USP9X: variants seen among roughly 807,000 people sequenced by gnomAD.
USP9X encodes the protein ubiquitin carboxyl-terminal hydrolase 9X.
A neutral mutation model predicts 190.3 loss-of-function variants in USP9X; 7 were observed. The ratio of observed to expected loss-of-function variants is 0.04; its 90% CI spans 0.02 to 0.07. The LOEUF (loss-of-function observed/expected upper bound fraction) is 0.07. USP9X is among the 10% of genes least tolerant of loss of function. The pLI is 1.00. For synonymous variants in USP9X, 645 were observed against 659.5 expected, an observed-to-expected ratio of 0.98 and a Z score of 0.34; for missense variants, 1,010 against 1,916.9, an observed-to-expected ratio of 0.53 and a Z score of 8.83.
chrX:41,153,020 A>G lies in USP9X; in HGVS notation c.1836A>G (p.Leu612=). 8.3e-7 allele frequency: 1 copy of G among 1,210,860 alleles called. No homozygotes were observed. Among genetic ancestry groups the G allele is most frequent in the South Asian group, 1.8e-5 (1 of 56,880 alleles). Residue 612 remains leucine, a synonymous_variant, in exon 14 of 45, where the codon CTA becomes CTG. Transcript: ENST00000378308. ...LINQLQHNHA[L]VTLVAENLAT... ...ATCAACTTCAACACAATCATGCCCTAGTTACTTTGGTAGCAGAAAACCTTG... is the reference window on the plus strand; with the variant it reads ...ATCAACTTCAACACAATCATGCCCTGGTTACTTTGGTAGCAGAAAACCTTG...
intron 38 of USP9X, among the ~76,000 whole-genome samples, chrX:41,221,475 T>C (rs1941939989): frequency 9.0e-6 from 1 of 110,880 alleles, no homozygotes; most frequent in African/African-American, 3.3e-5. Context: ...CTGAAGGGAT[T>C]TGGGGAGTGC....
At chrX:41,095,961 A>AT (rs2061987938) in intron 1 of USP9X, among the ~76,000 whole-genome samples, 1 of 111,944 alleles carries the variant, frequency 8.9e-6, no homozygotes, top group African/African-American at 3.3e-5. Context: ...GGTGCTGCTA[A>AT]TTTGAGTTTG....
At chrX:41,113,366 A>G (rs1330412112) in intron 1 of USP9X, among the ~76,000 whole-genome samples, 2 of 110,302 alleles carry the variant, frequency 1.8e-5, no homozygotes, top group Non-Finnish European at 3.8e-5. Flanking sequence ...ATGCCCGACT[A>G]ATTTTTTGTA....
chrX:41,225,772 C>CA (rs1391267184), intron 41 of USP9X, among the ~76,000 whole-genome samples: 1 of 112,921 alleles, frequency 8.9e-6, no homozygotes, highest in African/African-American at 3.2e-5. Flanking sequence ...TCACAGCCAA[C>CA]AGCTCTGTAA....
chrX:41,117,702 C>T (rs766202883), intron 1 of USP9X, among the ~76,000 whole-genome samples: 4 of 106,670 alleles, frequency 3.7e-5, no homozygotes, highest in African/African-American at 1.4e-4. Context: ...CTCAGCCTCC[C>T]GAGTAGCTGG....
intron 44 of USP9X, among the ~76,000 whole-genome samples, chrX:41,231,598 C>T (rs1471598535): frequency 3.7e-5 from 4 of 109,156 alleles, no homozygotes; most frequent in East Asian, 5.8e-4. Flanking sequence ...ATGGTGGTGG[C>T]GCATGCCTGT....
At chrX:41,229,958 T>A in intron 43 of USP9X, 179 bp downstream of exon 43, 1 of 847,434 alleles carries the variant, frequency 1.2e-6, no homozygotes, top group South Asian at 2.9e-5. Context: ...CCCAACACTT[T>A]GGGAGGCCGA....
At chrX:41,148,763 G>A (rs1239407141) in intron 12 of USP9X, among the ~76,000 whole-genome samples, 188 bp downstream of exon 12, 2 of 111,883 alleles carry the variant, frequency 1.8e-5, no homozygotes, top group African/African-American at 3.3e-5. Context: ...CATCTGAAAA[G>A]CATTTTAGTC....
rs994936116 is a variant in USP9X at position 41,151,134 on chromosome X, G to T, written c.1763+77G>T. The T allele has an allele frequency of 3.0e-6, 3 of 1,006,913 alleles. No homozygotes were observed. The African/African-American group carries it at 5.8e-5, about 20-fold the overall frequency. The allele number at this position is 1,006,913 out of a possible 1,213,427, so 83.0% of individuals were successfully genotyped here. A position where few individuals can be genotyped will look rare whatever the true frequency, so the allele number is the denominator to read the frequency against. On this transcript the variant is annotated intron_variant, in intron 13 of 44. Transcript: ENST00000378308. ...TTGAAAAGAAACAGCATATTGGCTG[G>T]CAAATGCAAATTTTTAAATTAGTGG...
rs2062421331 is a variant in USP9X, at chrX:41,141,385, A to G, written c.1115A>G (p.His372Arg). 2 of 1,202,560 alleles carry G rather than the reference A, an allele frequency of 1.7e-6. No individual in the cohort carries two copies. Among genetic ancestry groups the G allele is most frequent in the Non-Finnish European group, 2.2e-6 (2 of 891,599 alleles). The change falls in exon 9 of 45, where the codon CAT (histidine) becomes CGT (arginine). Residue 372 changes from histidine (H) to arginine (R), a missense_variant. Coordinates refer to ENST00000378308, the MANE Select transcript of USP9X (RefSeq NM_001039591.3). Reference protein sequence around the residue: ...ISSVSYYTHRHGNPEEEEWLT... With the variant: ...ISSVSYYTHRRGNPEEEEWLT... The stretch of plus-strand genomic sequence containing the variant: ...AGTGTATCATACTATACTCATCGAC[A>G]TGGTAATCCTGAGGAGGAAGAGTGG...
intron 1 of USP9X, among the ~76,000 whole-genome samples, chrX:41,120,496 G>A (rs2062181829): frequency 9.0e-6 from 1 of 111,005 alleles, no homozygotes; most frequent in Non-Finnish European, 1.9e-5. Flanking sequence ...CCTAGAGGAG[G>A]ACATATCTTT....
intron 41 of USP9X, 72 bp from the exon 42 acceptor site, chrX:41,229,181 C>A: frequency 1.2e-6 from 1 of 813,551 alleles, no homozygotes. Context: ...TTGAGTGGCA[C>A]ATAGTAGGCA....
intron 23 of USP9X, among the ~76,000 whole-genome samples, chrX:41,186,240 G>A (rs976207910): frequency 9.0e-6 from 1 of 111,228 alleles, no homozygotes; most frequent in African/African-American, 3.3e-5. Flanking sequence ...TCTATTTAGT[G>A]TATCATTATC....
intron 41 of USP9X, among the ~76,000 whole-genome samples, chrX:41,226,192 T>C (rs2063311052): frequency 8.9e-6 from 1 of 112,442 alleles, no homozygotes; most frequent in African/African-American, 3.2e-5. Flanking sequence ...TAATTAGTTT[T>C]TATGAGAACT....
At chrX:41,215,011 C>T (rs1156571982) in intron 34 of USP9X, among the ~76,000 whole-genome samples, 3 of 111,762 alleles carry the variant, frequency 2.7e-5, no homozygotes, top group Non-Finnish European at 3.8e-5. Flanking sequence ...CCATCTCTAC[C>T]GAGAAACAAA....
chrX:41,193,651 G>A (rs959627579), intron 26 of USP9X, among the ~76,000 whole-genome samples: 3 of 111,489 alleles, frequency 2.7e-5, no homozygotes, highest in East Asian at 2.8e-4. Context: ...GTGACAGAAC[G>A]AGACCCAGTC....
chrX:41,095,166 A>G (rs2061980780), intron 1 of USP9X, among the ~76,000 whole-genome samples: 2 of 112,086 alleles, frequency 1.8e-5, no homozygotes, highest in African/African-American at 3.2e-5. Flanking sequence ...TCTGCTTTCA[A>G]GGCTCTGAAG....
intron 21 of USP9X, among the ~76,000 whole-genome samples, chrX:41,174,258 C>T (rs563054546): frequency 8.1e-5 from 9 of 111,785 alleles, no homozygotes; most frequent in African/African-American, 2.9e-4. Context: ...AGATGTGCAT[C>T]GGTTGTATAC....
At chrX:41,186,053 A>G (rs1251289844) in intron 23 of USP9X, among the ~76,000 whole-genome samples, 2 of 111,813 alleles carry the variant, frequency 1.8e-5, no homozygotes, top group East Asian at 2.8e-4. Flanking sequence ...AGCATTAAGT[A>G]AAAACTAGGG....
Sources: gnomAD v4.1 joint callset for allele counts (sites outside exome capture counted in the v4.1 genomes callset) on GRCh38, gnomAD v4.1.1 for gene constraint, MANE v1.5 for transcripts, NCBI Gene and HGNC (gene_info 2026-07-23, HGNC 2026-07-21) for gene names.